The following RAB21 variants were observed in gnomAD, a reference collection of about 807,000 sequenced individuals.
RAB21 encodes ras-related protein Rab-21.
Under a neutral mutation model 33.1 loss-of-function variants are expected in RAB21, and 13 were observed. That is an observed-to-expected ratio of 0.39 (90% confidence interval 0.26 to 0.62). RAB21 has a LOEUF of 0.62. RAB21 is among the 20% of genes least tolerant of loss of function. The pLI is 0.48. For missense variants in RAB21, 234 were observed against 279.1 expected, an observed-to-expected ratio of 0.84 and a Z score of 1.15; for synonymous variants, 91 against 103.7, an observed-to-expected ratio of 0.88 and a Z score of 0.74.
chr12:71,773,938 T>C (rs763362278), intron 3 of RAB21, 21 bp from the exon 4 acceptor site: 1 of 1,536,262 alleles, frequency 6.5e-7, no homozygotes, highest in African/African-American at 1.4e-5. Flanking sequence ...TGTTTTAATA[T>C]GTGCTCTTTT....
rs567956153 is a variant in RAB21 at position 71,764,850 on chromosome 12, T to A, written c.160-4950T>A. Among the ~76,000 whole-genome samples, 5 of 152,338 alleles carry A rather than the reference T, an allele frequency of 3.3e-5. No individual in the cohort carries two copies. In the South Asian group the frequency reaches 1.0e-3, roughly 32 times the overall value. On this transcript the variant is annotated intron_variant, in intron 1 of 6. Coordinates refer to ENST00000261263, the MANE Select transcript of RAB21 (RefSeq NM_014999.4). ...TATATACCGCATATTCTTTATTCAC[T>A]TGTTGGTTGATGGACACTCAGGTTG...
At chr12:71,755,407 C>T (rs1380515066) in intron 1 of RAB21, 119 bp downstream of exon 1, 1 of 1,216,598 alleles carries the variant, frequency 8.2e-7, no homozygotes, top group Non-Finnish European at 1.1e-6. Context: ...CTGTCATCTC[C>T]GCCTTCGGTT....
Position 71,789,798 on chromosome 12 carries a change from T to C in RAB21, c.*4125T>C, listed in dbSNP as rs1056358206. 2 of 152,180 alleles carry C rather than the reference T, an allele frequency of 1.3e-5. No individual in the cohort carries two copies. The highest frequency in any genetic ancestry group is 2.1e-4 in the South Asian group (1 of 4,832). 9.4% of individuals were successfully genotyped at this position (152,180 alleles called of 1,614,324 possible). On this transcript the variant is annotated 3_prime_UTR_variant, in exon 7 of 7. Transcript: ENST00000261263. ...TGTAATCAACTATAACAGAGTAATA[T>C]ATTTGGTGTTCTGGACCAAAATTCG...
In RAB21 at chr12:71,796,400, G is replaced by A. The variant is rs911201869; in HGVS notation, c.*10727G>A. The A allele has an allele frequency of 4.4e-5, 6 of 137,376 alleles. 2 individuals carry two copies. Among genetic ancestry groups the A allele is most frequent in the Non-Finnish European group, 9.1e-5 (6 of 65,962 alleles). The allele number at this position is 137,376 out of a possible 1,614,324, so 8.5% of individuals were successfully genotyped here. ...CATCTTATGAAAGATTAACTTAGAG[G>A]TTAGAATGCTTACATTTGCAAATAG... On this transcript the variant is annotated 3_prime_UTR_variant, in exon 7 of 7. Transcript: ENST00000261263.
intron 6 of RAB21, among the ~76,000 whole-genome samples, chr12:71,784,164 C>G (rs1337829867): frequency 6.6e-6 from 1 of 152,110 alleles, no homozygotes; most frequent in East Asian, 1.9e-4. Context: ...AATTTAAGAG[C>G]CCTTTTGTAT....
At chr12:71,775,310 A>T (rs1883103914) in intron 4 of RAB21, among the ~76,000 whole-genome samples, 1 of 152,242 alleles carries the variant, frequency 6.6e-6, no homozygotes, top group Non-Finnish European at 1.5e-5. Flanking sequence ...AGTGTCAGGT[A>T]GCTTTCAGAG....
chr12:71,782,927 AG>A (rs1312352804), intron 6 of RAB21, among the ~76,000 whole-genome samples: 1 of 152,126 alleles, frequency 6.6e-6, no homozygotes, highest in Non-Finnish European at 1.5e-5. Context: ...AAGTATTAAA[AG>A]TGGAAGGGGA....
intron 1 of RAB21, among the ~76,000 whole-genome samples, chr12:71,763,832 T>G (rs1213688737): frequency 2.6e-5 from 4 of 152,098 alleles, no homozygotes; most frequent in African/African-American, 4.8e-5. Flanking sequence ...TTAAGAAATG[T>G]GTGTATGTCC....
rs1389788286 is a variant in RAB21 at position 71,786,439 on chromosome 12, C to A, written c.*766C>A. The A allele has an allele frequency of 6.6e-6, 1 of 152,508 alleles. No individual in the cohort carries two copies. The allele number at this position is 152,508 out of a possible 1,614,324, so 9.4% of individuals were successfully genotyped here. A position where few individuals can be genotyped will look rare whatever the true frequency, so the allele number is the denominator to read the frequency against. On this transcript the variant is annotated 3_prime_UTR_variant, in exon 7 of 7. Transcript: ENST00000261263. ...GCAAACTGTTTTTGTTTTTAATTAG[C>A]AGATATCTGAAGTACTATTTTTGCA...
At chr12:71,771,896 A>C (rs1458056856) in intron 3 of RAB21, among the ~76,000 whole-genome samples, 1 of 151,962 alleles carries the variant, frequency 6.6e-6, no homozygotes, top group Non-Finnish European at 1.5e-5. Context: ...GACTTGCTTA[A>C]ACTGGGGAGG....
intron 1 of RAB21, among the ~76,000 whole-genome samples, chr12:71,767,954 G>A (rs950400936): frequency 2.0e-5 from 3 of 152,106 alleles, no homozygotes; most frequent in African/African-American, 7.2e-5. Flanking sequence ...TGGCAAAGCT[G>A]AGATTCAAAT....
intron 2 of RAB21, 84 bp downstream of exon 2, chr12:71,769,943 CT>C (rs578245368): frequency 0.17 from 71,769 of 416,050 alleles, 568 homozygotes; most frequent in African/African-American, 0.19. Flanking sequence ...TTAGCCAACA[CT>C]TTTTTTTTTT....
rs1010558494 is a variant in RAB21, at chr12:71,797,031, C to G, written c.*11358C>G. ...TTGAGCAGATTCAGAATTTAATAGACACTTCGTGTTTCCATTTTCATAATG... is the reference window on the plus strand; with the variant it reads ...TTGAGCAGATTCAGAATTTAATAGAGACTTCGTGTTTCCATTTTCATAATG... On this transcript the variant is annotated 3_prime_UTR_variant, in exon 7 of 7. Transcript: ENST00000261263. 1 of 152,150 alleles carries G rather than the reference C, an allele frequency of 6.6e-6. No homozygotes were observed. Among genetic ancestry groups the G allele is most frequent in the Non-Finnish European group, 1.5e-5 (1 of 68,006 alleles). 9.4% of individuals were successfully genotyped at this position (152,150 alleles called of 1,614,324 possible).
At position 71,785,599 on chromosome 12, in the gene RAB21, A is replaced by G; in HGVS notation, c.604A>G (p.Arg202Gly). ...TGGCTCTAGTCAGCCGGGAACTGCAAGGCGAGGTGTACAGATTATTGATGA... is the reference window on the plus strand; with the variant it reads ...TGGCTCTAGTCAGCCGGGAACTGCAGGGCGAGGTGTACAGATTATTGATGA... ...GNGSSQPGTARRGVQIIDDEP... is the reference protein window; with the variant it reads ...GNGSSQPGTAGRGVQIIDDEP... Residue 202 changes from arginine (R) to glycine (G), a missense_variant, in exon 7 of 7, where the codon AGG becomes GGG. Arg to Gly is a moderately radical substitution (Grantham distance 125, BLOSUM62 -2). Coordinates refer to ENST00000261263, the MANE Select transcript of RAB21 (RefSeq NM_014999.4). 1 of 1,614,220 alleles carries G rather than the reference A, an allele frequency of 6.2e-7. No homozygotes were observed. The highest frequency in any genetic ancestry group is 8.5e-7 in the Non-Finnish European group (1 of 1,180,034).
intron 3 of RAB21, among the ~76,000 whole-genome samples, chr12:71,771,368 G>A (rs963570067): frequency 5.9e-5 from 9 of 152,156 alleles, no homozygotes; most frequent in Non-Finnish European, 1.3e-4. Flanking sequence ...TCAACAATGT[G>A]TAACTACAGG....
At chr12:71,775,456 A>T (rs1385740641) in intron 4 of RAB21, among the ~76,000 whole-genome samples, 1 of 152,210 alleles carries the variant, frequency 6.6e-6, no homozygotes, top group Admixed American at 6.5e-5. Context: ...GGGTAGGATC[A>T]TTTCAGTGGA....
chr12:71,763,238 A>G (rs367552185), intron 1 of RAB21, among the ~76,000 whole-genome samples: 6 of 151,534 alleles, frequency 4.0e-5, no homozygotes, highest in Admixed American at 6.6e-5. Context: ...TTCACAATGT[A>G]GTTACTATGT....
Position 71,797,423 on chromosome 12 carries a change from A to T in RAB21, c.*11750A>T, listed in dbSNP as rs1186882066. 6.6e-6 allele frequency: 1 copy of T among 152,096 alleles called. No homozygotes were observed. The highest frequency in any genetic ancestry group is 6.5e-5 in the Admixed American group (1 of 15,278). The allele number at this position is 152,096 out of a possible 1,614,324, so 9.4% of individuals were successfully genotyped here. A position where few individuals can be genotyped will look rare whatever the true frequency, so the allele number is the denominator to read the frequency against. On this transcript the variant is annotated 3_prime_UTR_variant, in exon 7 of 7. Transcript: ENST00000261263. ...AAAGGAGAGAAGATACCTAGGAATA[A>T]ACAAGTTATATGCGTGACCACAAAA...
intron 1 of RAB21, among the ~76,000 whole-genome samples, chr12:71,757,277 T>A (rs1015560166): frequency 2.0e-5 from 3 of 152,094 alleles, no homozygotes; most frequent in African/African-American, 7.2e-5. Flanking sequence ...CTGGCTAATT[T>A]TTTTGTATTT....
Sources: allele counts gnomAD v4.1 joint callset (sites outside exome capture counted in the v4.1 genomes callset), GRCh38; gene constraint gnomAD v4.1.1; transcripts MANE v1.5; gene names NCBI Gene and HGNC (gene_info 2026-07-23, HGNC 2026-07-21).